The following SPATA13 variants were observed in gnomAD, a reference collection of about 807,000 sequenced individuals.
SPATA13 encodes the protein spermatogenesis associated 13, also known as spermatogenesis-associated protein 13.
SPATA13 carries 50 observed loss-of-function variants against 104.0 expected under a neutral mutation model. The ratio of observed to expected loss-of-function variants is 0.48; its 90% CI spans 0.38 to 0.61. The LOEUF is 0.61. Ranked by LOEUF, SPATA13 falls within the 20% of genes least tolerant of loss-of-function variation. The probability of loss-of-function intolerance (pLI) is 0.00; values close to 1 mark genes in which losing one functional copy is unlikely to be tolerated. For synonymous variants in SPATA13, 606 were observed against 667.5 expected (o/e 0.91, Z 1.42); for missense variants, 1,524 against 1,690.6 (o/e 0.90, Z 1.73).
intron 2 of SPATA13, among the ~76,000 whole-genome samples, chr13:24,238,158 A>ACAGATTCTTGCTCTATCTCC (rs1872665675): frequency 1.1e-5 from 1 of 89,206 alleles, no homozygotes; most frequent in Non-Finnish European, 2.0e-5. Context: ...TTTTTTTGAG[A>ACAGATTCTTGCTCTATCTCC]CAGACTCTTG....
chr13:24,284,053 TATGTTACCAA>T, intron 4 of SPATA13, 72 bp from the exon 5 acceptor site: 1 of 1,448,522 alleles, frequency 6.9e-7, no homozygotes, highest in Non-Finnish European at 9.5e-7. Flanking sequence ...CCCTTGGGAG[TATGTTACCAA>T]ATTTTTTCAT....
intron 3 of SPATA13, chr13:24,123,175 C>T: frequency 8.0e-7 from 1 of 1,248,800 alleles, no homozygotes; most frequent in Non-Finnish European, 1.2e-6. Flanking sequence ...GCCTGCATTA[C>T]AGGTCTGATG....
chr13:24,299,445 G>A (rs577930397), intron 11 of SPATA13, among the ~76,000 whole-genome samples: 1 of 152,354 alleles, frequency 6.6e-6, no homozygotes, highest in African/African-American at 2.4e-5. Context: ...TGATGCATGT[G>A]TGTGGGTAGA....
chr13:24,150,369 C>T (rs1882062526), intron 3 of SPATA13, among the ~76,000 whole-genome samples: 1 of 152,188 alleles, frequency 6.6e-6, no homozygotes, highest in South Asian at 2.1e-4. Context: ...CAGTGCATCT[C>T]AGCACTGGGA....
At chr13:24,222,057 C>T (rs1871616598) in intron 1 of SPATA13, among the ~76,000 whole-genome samples, 1 of 152,184 alleles carries the variant, frequency 6.6e-6, no homozygotes, top group Non-Finnish European at 1.5e-5. Flanking sequence ...AGGTGATCCA[C>T]GTGCCTCGGA....
intron 3 of SPATA13, among the ~76,000 whole-genome samples, chr13:24,095,426 T>G (rs181511120): frequency 9.2e-5 from 14 of 152,038 alleles, no homozygotes; most frequent in African/African-American, 3.1e-4. Flanking sequence ...GGGTGCAGAA[T>G]AGGGGAGTTA....
At chr13:24,165,258 G>C (rs899163353) in intron 1 of SPATA13, among the ~76,000 whole-genome samples, 1 of 152,180 alleles carries the variant, frequency 6.6e-6, no homozygotes, top group Non-Finnish European at 1.5e-5. Context: ...GAGGGATTCT[G>C]TGCCTGCCTC....
intron 2 of SPATA13, among the ~76,000 whole-genome samples, chr13:24,233,927 A>T (rs1872426911): frequency 6.9e-6 from 1 of 145,022 alleles, no homozygotes; most frequent in African/African-American, 2.6e-5. Context: ...ACACACACAC[A>T]CTGATAAGAT....
At position 24,136,519 on chromosome 13, in the gene SPATA13, GA is replaced by G. The variant is rs555499899; in HGVS notation, c.-111-86299del. Among the ~76,000 whole-genome samples the G allele has an allele frequency of 2.7e-3, 404 of 151,888 alleles. 4 individuals carry two copies. Among genetic ancestry groups the G allele is most frequent in the Non-Finnish European group, 2.1e-3 (140 of 67,938 alleles). ...AGAAAGAAAGTGAGAGAGAGGGAGAGAGAAAAAGAGAGGGAGGGAGGGAAAG... is the reference window on the plus strand; with the variant it reads ...AGAAAGAAAGTGAGAGAGAGGGAGAGGAAAAAGAGAGGGAGGGAGGGAAAG... On this transcript the variant is annotated intron_variant, in intron 3 of 14. Transcript: ENST00000424834.
rs1445884964 is a variant in SPATA13 at position 24,160,859 on chromosome 13, C to T, written c.-185C>T. 1 of 984,680 alleles carries T rather than the reference C, an allele frequency of 1.0e-6. No individual in the cohort carries two copies. The highest frequency in any genetic ancestry group is 6.1e-5 in the Admixed American group (1 of 16,268). The allele number at this position is 984,680 out of a possible 1,614,324, so 61.0% of individuals were successfully genotyped here. On this transcript the variant is annotated 5_prime_UTR_variant, in exon 1 of 13. Transcript: ENST00000382108. ...GGCGACCTCGGGGCTCCGCCGGCACCGGAGGTGGCTCTGAGGGCAGGGACG... is the reference window on the plus strand; with the variant it reads ...GGCGACCTCGGGGCTCCGCCGGCACTGGAGGTGGCTCTGAGGGCAGGGACG...
At chr13:24,061,904 A>C (rs535522737) in intron 3 of SPATA13, among the ~76,000 whole-genome samples, 4 of 152,252 alleles carry the variant, frequency 2.6e-5, no homozygotes, top group Admixed American at 2.6e-4. Flanking sequence ...AAAAAAAGAA[A>C]AAAACTGAGG....
chr13:24,190,975 T>C (rs1032931490), intron 1 of SPATA13, among the ~76,000 whole-genome samples: 1 of 152,018 alleles, frequency 6.6e-6, no homozygotes, highest in Admixed American at 6.6e-5. Flanking sequence ...TTTTAAGAAA[T>C]TGCCACTGCA....
At chr13:24,157,516 G>A (rs988201606), upstream of SPATA13, among the ~76,000 whole-genome samples, 5 of 152,114 alleles carry the variant, frequency 3.3e-5, no homozygotes, top group African/African-American at 1.2e-4. Flanking sequence ...TAGCCAGGAT[G>A]GTCTCGATCT....
intron 3 of SPATA13, among the ~76,000 whole-genome samples, chr13:24,030,321 G>A (rs1323663651): frequency 6.6e-6 from 1 of 152,126 alleles, no homozygotes; most frequent in Non-Finnish European, 1.5e-5. Flanking sequence ...ATAAACTCCT[G>A]TACTTCATAT....
intron 2 of SPATA13, among the ~76,000 whole-genome samples, chr13:23,984,985 G>T (rs760631898): frequency 2.0e-5 from 3 of 152,310 alleles, no homozygotes; most frequent in Middle Eastern, 3.4e-3. Context: ...AGGTGAGCTG[G>T]TCTCTTCAGT....
intron 3 of SPATA13, among the ~76,000 whole-genome samples, chr13:24,137,991 C>T (rs867213224): frequency 1.1e-4 from 17 of 152,028 alleles, no homozygotes; most frequent in Middle Eastern, 3.2e-3. Flanking sequence ...TGGTCAGTTG[C>T]CTGGAGATGA....
chr13:24,157,669 G>GA (rs891664877), upstream of SPATA13, among the ~76,000 whole-genome samples: 59 of 151,944 alleles, frequency 3.9e-4, no homozygotes, highest in Admixed American at 6.5e-4. Context: ...GCTCCTCAAA[G>GA]AAAAAAAACT....
At chr13:24,218,726 T>A (rs1443578498) in intron 1 of SPATA13, among the ~76,000 whole-genome samples, 1 of 151,694 alleles carries the variant, frequency 6.6e-6, no homozygotes, top group Non-Finnish European at 1.5e-5. Flanking sequence ...TTTTGCGATT[T>A]TTTTTTTAAT....
At chr13:24,204,695 A>G (rs895706287) in intron 1 of SPATA13, among the ~76,000 whole-genome samples, 2 of 152,160 alleles carry the variant, frequency 1.3e-5, no homozygotes, top group African/African-American at 4.8e-5. Context: ...TTGGAATCAT[A>G]TGCTATTTGC....
Sources: gnomAD v4.1 joint callset for allele counts (sites outside exome capture counted in the v4.1 genomes callset) on GRCh38, gnomAD v4.1.1 for gene constraint, MANE v1.5 for transcripts, NCBI Gene and HGNC (gene_info 2026-07-23, HGNC 2026-07-21) for gene names.